PSG4: variants seen among roughly 807,000 people sequenced by gnomAD.
PSG4 encodes pregnancy specific beta-1-glycoprotein 4, also known as pregnancy-specific beta-1-glycoprotein 4.
Under a neutral mutation model 44.3 loss-of-function variants are expected in PSG4, and 61 were observed. The ratio of observed to expected loss-of-function variants is 1.38; its 90% CI spans 1.12 to 1.70. PSG4 has a LOEUF of 1.70. Among genes scored for constraint, PSG4 ranks in the 40% most tolerant of loss-of-function variants. The probability of loss-of-function intolerance (pLI) is 0.00; values close to 1 mark genes in which losing one functional copy is unlikely to be tolerated. For missense variants in PSG4, 677 were observed against 511.7 expected (o/e 1.32, Z -3.12); for synonymous variants, 248 against 191.3 (o/e 1.30, Z -2.45).
chr19:43,194,907 T>A (rs1303042783), intron 4 of PSG4, 88 bp downstream of exon 4: 2 of 1,569,550 alleles, frequency 1.3e-6, no homozygotes, highest in Non-Finnish European at 1.7e-6. Context: ...TGTCTATACT[T>A]GGACTGGAGA....
chr19:43,193,282 C>T lies in PSG4; in HGVS notation c.*90G>A. 1 of 771,382 alleles carries T rather than the reference C, an allele frequency of 1.3e-6. No individual in the cohort carries two copies. The highest frequency in any genetic ancestry group is 1.3e-5 in the South Asian group (1 of 74,574). 47.8% of individuals were successfully genotyped at this position (771,382 alleles called of 1,614,324 possible). ...CCCATGAAATTTACATCGAGTTGTC[C>T]ACCTCCAGCTTATAGGGCTTCTGGA... On this transcript the variant is annotated 3_prime_UTR_variant, in exon 6 of 6. Transcript: ENST00000405312.
At chr19:43,200,790 T>G (rs56384623) in intron 2 of PSG4, among the ~76,000 whole-genome samples, 40,473 of 144,930 alleles carry the variant, frequency 0.28, 9,435 homozygotes, top group East Asian at 0.88. Context: ...TTAGCCAGGA[T>G]GGTCTCCATC....
At position 43,193,757 on chromosome 19, in the gene PSG4, T is replaced by C. The variant is rs1967107144; in HGVS notation, c.1244-369A>G. On this transcript the variant is annotated intron_variant, in intron 5 of 5. Coordinates refer to ENST00000405312, the MANE Select transcript of PSG4 (RefSeq NM_002780.5). ...TCATATTGGTTCATTCTATCTATAT[T>C]CTTGAATATAACATCCCAGTCAAAG... 5.6e-6 allele frequency: 3 copies of C among 533,822 alleles called. No homozygotes were observed. In the South Asian group the frequency reaches 7.4e-5, roughly 13 times the overall value. 33.1% of individuals were successfully genotyped at this position (533,822 alleles called of 1,614,324 possible).
chr19:43,194,774 T>G (rs1967161813), intron 4 of PSG4, 180 bp from the exon 5 acceptor site: 1 of 1,416,642 alleles, frequency 7.1e-7, no homozygotes, highest in South Asian at 1.4e-5. Context: ...ATCACAAGTT[T>G]TAGGCCCCAA....
In PSG4 at chr19:43,193,384, C is replaced by G. The variant is rs758467629; in HGVS notation, c.1248G>C (p.Trp416Cys). Residue 416 changes from tryptophan to cysteine, a missense_variant, in exon 6 of 6, where the codon TGG becomes TGC. Physicochemically the swap from Trp to Cys is radical, Grantham distance 215. Transcript: ENST00000405312. Reference sequence around the variant, plus strand: ...GAACTAGTAGAATTCAGGGTAATATCCAGTCTACAGGTGGATAATAAAAAC... The same window carrying G: ...GAACTAGTAGAATTCAGGGTAATATGCAGTCTACAGGTGGATAATAAAAAC... ...SKSITVKVSD[W>C]ILP 1 of 772,210 alleles carries G rather than the reference C, an allele frequency of 1.3e-6. No homozygotes were observed. The highest frequency in any genetic ancestry group is 1.7e-5 in the Admixed American group (1 of 58,912). The allele number at this position is 772,210 out of a possible 1,614,324, so 47.8% of individuals were successfully genotyped here.
In PSG4 at chr19:43,194,721, A is replaced by G. The variant is rs1047382840; in HGVS notation, c.989-127T>C. ...TTCAAGTCCCAGCCAAACTCCCTCT[A>G]TGTTCACTGAGCCGAAGCCTGAGGT... On this transcript the variant is annotated intron_variant, in intron 4 of 5. Coordinates refer to ENST00000405312, the MANE Select transcript of PSG4 (RefSeq NM_002780.5). 7 of 1,470,344 alleles carry G rather than the reference A, an allele frequency of 4.8e-6. No homozygotes were observed. In the African/African-American group the frequency reaches 8.5e-5, roughly 18 times the overall value. 91.1% of individuals were successfully genotyped at this position (1,470,344 alleles called of 1,614,324 possible). A position where few individuals can be genotyped will look rare whatever the true frequency, so the allele number is the denominator to read the frequency against.
chr19:43,204,099 T>C lies in PSG4; in HGVS notation c.217A>G (p.Thr73Ala). ...GATGTAATGTAATGGTAGAGGTATGTCATTTGCCCTTTGTACCAAATGTAG... is the reference window on the plus strand; with the variant it reads ...GATGTAATGTAATGGTAGAGGTATGCCATTTGCCCTTTGTACCAAATGTAG... ...AGYIWYKGQM[T>A]YLYHYITSYV... The change falls in exon 2 of 6, where the codon ACA becomes GCA. Residue 73 changes from threonine (T) to alanine (A), a missense_variant. By Grantham distance (58) the Thr-to-Ala change is moderately conservative (BLOSUM62 0). Coordinates refer to ENST00000405312, the MANE Select transcript of PSG4 (RefSeq NM_002780.5). 6.3e-7 allele frequency: 1 copy of C among 1,586,886 alleles called. No individual in the cohort carries two copies. The highest frequency in any genetic ancestry group is 8.5e-7 in the Non-Finnish European group (1 of 1,171,232).
chr19:43,200,117 C>G (rs1369179334), intron 2 of PSG4, among the ~76,000 whole-genome samples: 1 of 145,692 alleles, frequency 6.9e-6, no homozygotes, highest in Non-Finnish European at 1.5e-5. Context: ...TCTTCATTTT[C>G]TGTTAAGCTC....
In PSG4 at chr19:43,204,061, G is replaced by A. The variant is rs77454946; in HGVS notation, c.255C>T (p.Asp85=). The change falls in exon 2 of 6, where the codon GAC becomes GAT. Residue 85 remains aspartate (D), a synonymous_variant. Transcript: ENST00000405312. ...LYHYITSYVV[D]GQRIIYGPAY... is the part of the protein sequence containing the mutation. ...CAGGCCCATATATAATTCTTTGACC[G>A]TCTACTACATATGATGTAATGTAAT... 1,342 of 1,586,258 alleles carry A rather than the reference G, an allele frequency of 8.5e-4. 313 individuals carry two copies. In the East Asian group the frequency reaches 0.029, roughly 34 times the overall value.
Position 43,195,105 on chromosome 19 carries a change from C to T in PSG4, c.878G>A (p.Arg293Lys). ...SPRVKRPIEN[R>K]ILILPNVTRN... The stretch of plus-strand genomic sequence containing the variant: ...CGTGACATTGGGTAGAATGAGGATC[C>T]TGTTTTCAATGGGTCGCTTTACCCT... Residue 293 changes from arginine to lysine, a missense_variant, in exon 4 of 6, where the codon AGG becomes AAG. Physicochemically the swap from Arg to Lys is conservative, Grantham distance 26 (BLOSUM62 2). Transcript: ENST00000405312. 1 of 1,610,868 alleles carries T rather than the reference C, an allele frequency of 6.2e-7. No individual in the cohort carries two copies. Among genetic ancestry groups the T allele is most frequent in the Non-Finnish European group, 8.5e-7 (1 of 1,179,076 alleles).
intron 4 of PSG4, 180 bp downstream of exon 4, chr19:43,194,815 T>C (rs367813645): frequency 1.4e-6 from 2 of 1,437,498 alleles, no homozygotes. Context: ...CCCCTCCCCT[T>C]ATATTCTTGG....
chr19:43,202,771 C>G (rs1967574239), intron 2 of PSG4, among the ~76,000 whole-genome samples: 1 of 144,796 alleles, frequency 6.9e-6, no homozygotes, highest in African/African-American at 2.7e-5. Context: ...GGAGTGCAGA[C>G]TAATCAGCTG....
At chr19:43,195,446 T>C (rs570801032) in intron 3 of PSG4, among the ~76,000 whole-genome samples, 173 bp from the exon 4 acceptor site, 1 of 151,620 alleles carries the variant, frequency 6.6e-6, no homozygotes, top group South Asian at 2.1e-4. Flanking sequence ...GCTCAAAGAC[T>C]GTGAGGCCAC....
intron 1 of PSG4, 145 bp from the exon 2 acceptor site, chr19:43,204,396 A>T (rs1249176864): frequency 5.3e-6 from 6 of 1,133,666 alleles, no homozygotes; most frequent in Non-Finnish European, 7.3e-6. Context: ...AAGGGGCGTG[A>T]GTGTATGTGT....
rs370126900 is a variant in PSG4, at chr19:43,205,075, T to C, written c.64+398A>G. ...CTATCCAGGCTCCAACAGAGCCTTC[T>C]TTCCCTTTTCTTCTTTTTTCTTTTT... On this transcript the variant is annotated intron_variant, in intron 1 of 5. Coordinates refer to ENST00000405312, the MANE Select transcript of PSG4 (RefSeq NM_002780.5). The C allele has an allele frequency of 1.0e-4, 21 of 200,368 alleles. 2 individuals carry two copies. The East Asian group carries it at 1.5e-3, about 14-fold the overall frequency. 12.4% of individuals were successfully genotyped at this position (200,368 alleles called of 1,614,324 possible). A position where few individuals can be genotyped will look rare whatever the true frequency, so the allele number is the denominator to read the frequency against.
At chr19:43,200,557 A>G (rs1384654592) in intron 2 of PSG4, among the ~76,000 whole-genome samples, 3 of 130,684 alleles carry the variant, frequency 2.3e-5, no homozygotes, top group Non-Finnish European at 4.7e-5. Flanking sequence ...GTAAGCATCA[A>G]AAGCATTCTT....
chr19:43,201,999 C>T (rs1341718918), intron 2 of PSG4, among the ~76,000 whole-genome samples: 1 of 144,596 alleles, frequency 6.9e-6, no homozygotes, highest in Non-Finnish European at 1.5e-5. Flanking sequence ...GGGACATTGG[C>T]TCGAGATGAA....
chr19:43,194,744 G>A (rs1967160482), intron 4 of PSG4, 150 bp from the exon 5 acceptor site: 3 of 1,436,488 alleles, frequency 2.1e-6, no homozygotes, highest in African/African-American at 2.9e-5. Flanking sequence ...CGAAGCCTGA[G>A]GTATTCACCT....
intron 4 of PSG4, 26 bp from the exon 5 acceptor site, chr19:43,194,620 G>A: frequency 6.3e-7 from 1 of 1,594,938 alleles, no homozygotes; most frequent in Non-Finnish European, 8.6e-7. Context: ...TAAAGCCATA[G>A]GTGATGTCAT....
Sources: gnomAD v4.1 joint callset for allele counts (sites outside exome capture counted in the v4.1 genomes callset) on GRCh38, gnomAD v4.1.1 for gene constraint, MANE v1.5 for transcripts, NCBI Gene and HGNC (gene_info 2026-07-23, HGNC 2026-07-21) for gene names.